ADAM11: variants seen among roughly 807,000 people sequenced by gnomAD.
ADAM11 encodes the protein disintegrin and metalloproteinase domain-containing protein 11.
Under a neutral mutation model 119.1 loss-of-function variants are expected in ADAM11, and 49 were observed. The observed-to-expected ratio is 0.41, with a 90% CI of 0.33 to 0.52. The LOEUF is 0.52. Among genes scored for constraint, ADAM11 ranks in the 20% least tolerant of loss-of-function variants. The pLI, the probability that ADAM11 is intolerant of heterozygous loss-of-function variation, is 0.20. For missense variants in ADAM11, 777 were observed against 1,047.5 expected, an observed-to-expected ratio of 0.74 and a Z score of 3.56; for synonymous variants, 364 against 408.0, an observed-to-expected ratio of 0.89 and a Z score of 1.30.
In ADAM11 at chr17:44,777,761, G is replaced by C; in HGVS notation, c.1968G>C (p.Gly656=). ...LSYVEDGTAC[G]PNMLCLDHRC... ...ATGTGGAGGATGGCACAGCCTGCGGGCCTAACATGTTGTGCCTGGACCATC... is the reference window on the plus strand; with the variant it reads ...ATGTGGAGGATGGCACAGCCTGCGGCCCTAACATGTTGTGCCTGGACCATC... Residue 656 remains glycine, a synonymous_variant, in exon 23 of 27, where the codon GGG becomes GGC. Coordinates refer to ENST00000200557, the MANE Select transcript of ADAM11 (RefSeq NM_002390.6). This position sits in a 1 kb window ranked among gnomAD's most constrained non-coding sequence, Gnocchi z 5.1. The C allele has an allele frequency of 6.2e-7, 1 of 1,613,986 alleles. No individual in the cohort carries two copies. The highest frequency in any genetic ancestry group is 8.5e-7 in the Non-Finnish European group (1 of 1,179,970).
chr17:44,762,015 G>T (rs977542585), intron 2 of ADAM11, among the ~76,000 whole-genome samples: 3 of 152,040 alleles, frequency 2.0e-5, no homozygotes, highest in African/African-American at 7.2e-5. Flanking sequence ...GTAGAGATGG[G>T]GTTTCTCCAT....
At chr17:44,771,929 T>A in intron 6 of ADAM11, 98 bp downstream of exon 6, 2 of 1,389,632 alleles carry the variant, frequency 1.4e-6, no homozygotes, top group Non-Finnish European at 2.0e-6. Context: ...GGCTCCTCCC[T>A]CAGTAACCCC....
rs1008244173 is a variant in ADAM11, at chr17:44,775,964, C to A, written c.1486-163C>A. Among the ~76,000 whole-genome samples, 1 of 151,554 alleles carries A rather than the reference C, an allele frequency of 6.6e-6. No individual in the cohort carries two copies. Among genetic ancestry groups the A allele is most frequent in the African/African-American group, 2.4e-5 (1 of 41,196 alleles). ...AGTGCGCTGGGAGCGAGGTGGGGAG[C>A]GTTCAAGAGGTGGTGGGAGCAGGGA... On this transcript the variant is annotated intron_variant, in intron 17 of 26. Coordinates refer to ENST00000200557, the MANE Select transcript of ADAM11 (RefSeq NM_002390.6). The surrounding 1 kb of genome is among the most constrained non-coding windows in gnomAD (Gnocchi z 7.5).
chr17:44,760,515 A>G (rs1424377877), intron 2 of ADAM11, among the ~76,000 whole-genome samples: 4 of 152,244 alleles, frequency 2.6e-5, no homozygotes, highest in Admixed American at 2.0e-4. Flanking sequence ...TTAGGCATGA[A>G]GGAGATTAAT....
chr17:44,780,304 C>A lies in ADAM11; in HGVS notation c.*550C>A. 1 of 377,938 alleles carries A rather than the reference C, an allele frequency of 2.6e-6. No individual in the cohort carries two copies. Among genetic ancestry groups the A allele is most frequent in the Non-Finnish European group, 5.1e-6 (1 of 194,888 alleles). The allele number at this position is 377,938 out of a possible 1,614,324, so 23.4% of individuals were successfully genotyped here. ...CCGGAGAAACTGAGGTATGGCCATGCCCTAGACCCTCCCCAAGGATGACCA... is the reference window on the plus strand; with the variant it reads ...CCGGAGAAACTGAGGTATGGCCATGACCTAGACCCTCCCCAAGGATGACCA... On this transcript the variant is annotated 3_prime_UTR_variant, in exon 27 of 27. Coordinates refer to ENST00000200557, the MANE Select transcript of ADAM11 (RefSeq NM_002390.6).
At chr17:44,762,843 A>C (rs938103663) in intron 2 of ADAM11, among the ~76,000 whole-genome samples, 1 of 152,116 alleles carries the variant, frequency 6.6e-6, no homozygotes, top group African/African-American at 2.4e-5. Context: ...ATAGCGGCCA[A>C]GAAGGAATTA....
Position 44,777,551 on chromosome 17 carries a change from A to G in ADAM11, c.1851A>G (p.Gly617=). The change falls in exon 22 of 27, where the codon GGA becomes GGG. Residue 617 remains glycine (G), a synonymous_variant. Coordinates refer to ENST00000200557, the MANE Select transcript of ADAM11 (RefSeq NM_002390.6). This position sits in a 1 kb window ranked among gnomAD's most constrained non-coding sequence, Gnocchi z 5.1. ...SGAPRLGDLV[G]DISSVTFYHQ... is the part of the protein sequence containing the mutation. ...CTCCTCGGCTAGGGGACCTGGTGGG[A>G]GACATCAGTAGTGTCACCTTCTACC... 1 of 1,614,140 alleles carries G rather than the reference A, an allele frequency of 6.2e-7. No individual in the cohort carries two copies. Among genetic ancestry groups the G allele is most frequent in the East Asian group, 2.2e-5 (1 of 44,880 alleles).
chr17:44,774,732 C>T lies in ADAM11; in HGVS notation c.1203C>T (p.Cys401=). ...AGTGTCCAGACATCTGGCTGGGCTG[C>T]ATCATGGAGGACACTGGGTGAGTTC... The part of the protein sequence containing the change: ...DCKCPDIWLG[C]IMEDTGFYLP... The change falls in exon 14 of 27, where the codon TGC becomes TGT. Residue 401 remains cysteine, a synonymous_variant. Coordinates refer to ENST00000200557, the MANE Select transcript of ADAM11 (RefSeq NM_002390.6). 1 of 1,592,300 alleles carries T rather than the reference C, an allele frequency of 6.3e-7. No individual in the cohort carries two copies. Among genetic ancestry groups the T allele is most frequent in the Non-Finnish European group, 8.5e-7 (1 of 1,173,884 alleles).
Position 44,780,165 on chromosome 17 carries a change from G to A in ADAM11, c.*411G>A, listed in dbSNP as rs183844630. 4 of 552,042 alleles carry A rather than the reference G, an allele frequency of 7.2e-6. No individual in the cohort carries two copies. Among genetic ancestry groups the A allele is most frequent in the Admixed American group, 4.5e-5 (2 of 44,182 alleles). The allele number at this position is 552,042 out of a possible 1,614,324, so 34.2% of individuals were successfully genotyped here. On this transcript the variant is annotated 3_prime_UTR_variant, in exon 27 of 27. Coordinates refer to ENST00000200557, the MANE Select transcript of ADAM11 (RefSeq NM_002390.6). Reference sequence around the variant, plus strand: ...AGGGTCTTACCTCTCTGGGACCTAGGGGGACGGGGCTGACATCTACATTTT... The same window carrying A: ...AGGGTCTTACCTCTCTGGGACCTAGAGGGACGGGGCTGACATCTACATTTT...
Position 44,777,608 on chromosome 17 carries a change from G to T in ADAM11, c.1901+7G>T. 1.2e-6 allele frequency: 2 copies of T among 1,614,116 alleles called. No homozygotes were observed. The highest frequency in any genetic ancestry group is 3.3e-4 in the Middle Eastern group (2 of 6,062). ...GCAAGGAGCTGGACTGCAGGTGCTG[G>T]CCAGGACCAAGACTAGGGAGGGGAG... is the stretch of plus-strand genomic sequence containing the variant. On this transcript the variant is annotated splice_region_variant and intron_variant, in intron 22 of 26. Coordinates refer to ENST00000200557, the MANE Select transcript of ADAM11 (RefSeq NM_002390.6). This position sits in a 1 kb window ranked among gnomAD's most constrained non-coding sequence, Gnocchi z 5.1.
At chr17:44,778,688 CAAA>C (rs566515861) in intron 25 of ADAM11, among the ~76,000 whole-genome samples, 149 of 52,406 alleles carry the variant, frequency 2.8e-3, no homozygotes, top group African/African-American at 5.8e-3. Flanking sequence ...AAGACTGCGT[CAAA>C]AAAAAAAAAA....
chr17:44,776,002 C>T lies in ADAM11; in HGVS notation c.1486-125C>T. 8.9e-7 allele frequency: 1 copy of T among 1,120,818 alleles called. No homozygotes were observed. The highest frequency in any genetic ancestry group is 1.4e-5 in the South Asian group (1 of 72,710). 69.4% of individuals were successfully genotyped at this position (1,120,818 alleles called of 1,614,324 possible). A position where few individuals can be genotyped will look rare whatever the true frequency, so the allele number is the denominator to read the frequency against. ...GTGGGAGCAGGGAAATAAGAACAGGCCTGAAACGGGGCCCTGGGGAGCTGG... is the reference window on the plus strand; with the variant it reads ...GTGGGAGCAGGGAAATAAGAACAGGTCTGAAACGGGGCCCTGGGGAGCTGG... On this transcript the variant is annotated intron_variant, in intron 17 of 26. Coordinates refer to ENST00000200557, the MANE Select transcript of ADAM11 (RefSeq NM_002390.6). This position sits in a 1 kb window ranked among gnomAD's most constrained non-coding sequence, Gnocchi z 5.2.
chr17:44,770,502 C>CTA (rs1567690727), intron 4 of ADAM11, among the ~76,000 whole-genome samples: 2 of 146,594 alleles, frequency 1.4e-5, no homozygotes, highest in African/African-American at 5.4e-5. Flanking sequence ...CCCCCCCCGC[C>CTA]CCCACTGCCT....
chr17:44,774,857 A>G (rs2049576981), intron 14 of ADAM11, 108 bp downstream of exon 14: 2 of 1,350,062 alleles, frequency 1.5e-6, no homozygotes, highest in African/African-American at 2.9e-5. Context: ...AGCTCACAGA[A>G]CCACTCAGGA....
At position 44,777,374 on chromosome 17, in the gene ADAM11, G is replaced by A. The variant is rs972660833; in HGVS notation, c.1782-108G>A. The A allele has an allele frequency of 1.3e-5, 20 of 1,519,776 alleles. No homozygotes were observed. Among genetic ancestry groups the A allele is most frequent in the Middle Eastern group, 1.7e-4 (1 of 5,760 alleles). The allele number at this position is 1,519,776 out of a possible 1,614,324, so 94.1% of individuals were successfully genotyped here. The stretch of plus-strand genomic sequence containing the variant: ...GAGGAGCCTGTCAGTCCCAATGGGC[G>A]GGCACGTGGCAAATGAGGTGGCAGG... On this transcript the variant is annotated intron_variant, in intron 21 of 26. Transcript: ENST00000200557. This position sits in a 1 kb window ranked among gnomAD's most constrained non-coding sequence, Gnocchi z 5.1.
Position 44,773,488 on chromosome 17 carries a change from A to G in ADAM11, c.992+61A>G. The G allele has an allele frequency of 1.3e-6, 2 of 1,570,636 alleles. No individual in the cohort carries two copies. Among genetic ancestry groups the G allele is most frequent in the Non-Finnish European group, 1.7e-6 (2 of 1,156,060 alleles). On this transcript the variant is annotated intron_variant, in intron 11 of 26. Coordinates refer to ENST00000200557, the MANE Select transcript of ADAM11 (RefSeq NM_002390.6). This position sits in a 1 kb window ranked among gnomAD's most constrained non-coding sequence, Gnocchi z 4.6. ...GCTAGTTGCTACAGTGCTTGGGATT[A>G]CTTAACACCTGCCCTGTGCTGGCTG...
Position 44,777,748 on chromosome 17 carries a change from G to C in ADAM11, c.1955G>C (p.Gly652Ala), listed in dbSNP as rs1341066639. Residue 652 changes from glycine to alanine, a missense_variant, in exon 23 of 27, where the codon GGC (glycine) becomes GCC (alanine). By Grantham distance (60) the Gly-to-Ala change is moderately conservative (BLOSUM62 0). Around this residue, in one of 4 missense-constraint regions of ADAM11, gnomAD observed 348 missense variants for 486.7 expected, o/e 0.72. Transcript: ENST00000200557. The surrounding 1 kb of genome is among the most constrained non-coding windows in gnomAD (Gnocchi z 5.1). ...DGSDLSYVED[G>A]TACGPNMLCL... The stretch of plus-strand genomic sequence containing the variant: ...TCTGACCTGAGCTATGTGGAGGATG[G>C]CACAGCCTGCGGGCCTAACATGTTG... 3.7e-6 allele frequency: 6 copies of C among 1,613,860 alleles called. No individual in the cohort carries two copies. Among genetic ancestry groups the C allele is most frequent in the Admixed American group, 1.7e-5 (1 of 60,002 alleles).
Position 44,775,553 on chromosome 17 carries a change from C to A in ADAM11, c.1393-31C>A. 1 of 1,559,874 alleles carries A rather than the reference C, an allele frequency of 6.4e-7. No individual in the cohort carries two copies. The highest frequency in any genetic ancestry group is 2.4e-5 in the East Asian group (1 of 42,212). The stretch of plus-strand genomic sequence containing the variant: ...CTGAGTGGGAGGATTAGGGCTCGCC[C>A]GCCTCCTTCCCCTCCTCCCGCGTCC... On this transcript the variant is annotated intron_variant, in intron 16 of 26. Coordinates refer to ENST00000200557, the MANE Select transcript of ADAM11 (RefSeq NM_002390.6). This position sits in a 1 kb window ranked among gnomAD's most constrained non-coding sequence, Gnocchi z 7.5.
intron 25 of ADAM11, 38 bp downstream of exon 25, chr17:44,778,280 TG>T: frequency 1.9e-6 from 3 of 1,574,910 alleles, no homozygotes; most frequent in Non-Finnish European, 2.6e-6. Flanking sequence ...CTGGCATCCT[TG>T]AGGGGGGATC....
Sources: gnomAD v4.1 joint callset for allele counts (sites outside exome capture counted in the v4.1 genomes callset) on GRCh38, gnomAD v4.1.1 for gene constraint, gnomAD v4.1.1 regional missense constraint, Gnocchi (gnomAD v3.1) non-coding constraint, MANE v1.5 for transcripts, NCBI Gene and HGNC (gene_info 2026-07-23, HGNC 2026-07-21) for gene names.